The following CTC1 variants were observed in gnomAD, a reference collection of about 807,000 sequenced individuals.
CTC1 encodes CST complex subunit CTC1.
A neutral mutation model predicts 136.3 loss-of-function variants in CTC1; 91 were observed. The ratio of observed to expected loss-of-function variants is 0.67; its 90% confidence interval spans 0.56 to 0.79. CTC1 has a LOEUF of 0.79. Ranked by LOEUF, CTC1 falls within the 30% of genes least tolerant of loss-of-function variation. The pLI, the probability that CTC1 is intolerant of heterozygous loss-of-function variation, is 0.00. For missense variants in CTC1, 1,432 were observed against 1,498.1 expected (o/e 0.96, Z 0.73); for synonymous variants, 606 against 613.8 (o/e 0.99, Z 0.19).
At chr17:8,247,974 A>C in intron 1 of CTC1, 30 bp downstream of exon 1, 1 of 1,603,270 alleles carries the variant, frequency 6.2e-7, no homozygotes, top group Non-Finnish European at 8.5e-7. Context: ...ACAAGAAAAA[A>C]GGAACAAGAG....
At chr17:8,236,365 A>G (rs539326984) in intron 5 of CTC1, 23 bp from the exon 6 acceptor site, 4 of 1,592,314 alleles carry the variant, frequency 2.5e-6, no homozygotes, top group African/African-American at 1.3e-5. Flanking sequence ...GAGACAGGCA[A>G]TGTGACACAA....
At position 8,236,338 on chromosome 17, in the gene CTC1, G is replaced by A. The variant is rs763619961; in HGVS notation, c.797C>T (p.Pro266Leu). The A allele has an allele frequency of 6.2e-7, 1 of 1,605,378 alleles. No homozygotes were observed. The highest frequency in any genetic ancestry group is 1.1e-5 in the South Asian group (1 of 91,050). ...GGCTCTGTGCCACACCAGCTGGGCA[G>A]GGACCTGGCTTGTGCAGAGACAGGC... is the stretch of plus-strand genomic sequence containing the variant. ...VTHVSIIVQVPAQLVWHRALR... is the reference protein window; with the variant it reads ...VTHVSIIVQVLAQLVWHRALR... The change falls in exon 6 of 23, where the codon CCT (proline) becomes CTT (leucine). Residue 266 changes from proline to leucine, a missense_variant. Physicochemically the swap from Pro to Leu is moderately conservative, Grantham distance 98 (BLOSUM62 -3). Coordinates refer to ENST00000651323, the MANE Select transcript of CTC1 (RefSeq NM_025099.6).
Position 8,235,289 on chromosome 17 carries a change from G to T in CTC1, c.1207-4C>A. On this transcript the variant is annotated splice_polypyrimidine_tract_variant and splice_region_variant and intron_variant, in intron 7 of 22. Coordinates refer to ENST00000651323, the MANE Select transcript of CTC1 (RefSeq NM_025099.6). ...GGAGCAGGTGAACATCCTGGAGCTG[G>T]GGGAAAGCAGAGAAAATGAAAAAGC... The T allele has an allele frequency of 6.2e-7, 1 of 1,606,482 alleles. No individual in the cohort carries two copies. Among genetic ancestry groups the T allele is most frequent in the Non-Finnish European group, 8.5e-7 (1 of 1,173,684 alleles).
chr17:8,240,421 T>C (rs1988117919), intron 2 of CTC1, among the ~76,000 whole-genome samples: 1 of 150,962 alleles, frequency 6.6e-6, no homozygotes, highest in African/African-American at 2.5e-5. Flanking sequence ...CCCAAAGTGC[T>C]AGGATTACAG....
intron 10 of CTC1, 152 bp downstream of exon 10, chr17:8,234,303 A>T: frequency 1.3e-6 from 1 of 764,510 alleles, no homozygotes; most frequent in Non-Finnish European, 2.2e-6. Flanking sequence ...CTGCAGAGAG[A>T]ATGAATTGGA....
At position 8,242,991 on chromosome 17, in the gene CTC1, C is replaced by T. The variant is rs997277487; in HGVS notation, c.191G>A (p.Ser64Asn). Residue 64 changes from serine (S) to asparagine (N), a missense_variant, in exon 2 of 23, where the codon AGC becomes AAC. By Grantham distance (46) the Ser-to-Asn change is conservative. Coordinates refer to ENST00000651323, the MANE Select transcript of CTC1 (RefSeq NM_025099.6). ...GRNQGSTLPL[S>N]YSFVSVQDLK... The stretch of plus-strand genomic sequence containing the variant: ...AACCGCCACCTCTCCTTACCTATAG[C>T]TGAGGGGCAGTGTAGAACCTTGGTT... 2.5e-5 allele frequency: 40 copies of T among 1,611,494 alleles called. No homozygotes were observed. Among genetic ancestry groups the T allele is most frequent in the African/African-American group, 4.0e-5 (3 of 74,834 alleles).
rs544760936 is a variant in CTC1 at position 8,243,043 on chromosome 17, T to C, written c.139A>G (p.Lys47Glu). 58 of 1,614,022 alleles carry C rather than the reference T, an allele frequency of 3.6e-5. 1 individual carries two copies. The South Asian group carries it at 4.8e-4, about 13-fold the overall frequency. ...QLTPLVIDCV[K>E]TVWLSQGRNQ... ...CTTCCCTGGGACAACCAGACAGTCT[T>C]CACACAATCAATTACCAATGGAGTC... is the stretch of plus-strand genomic sequence containing the variant. Residue 47 changes from lysine (K) to glutamate (E), a missense_variant, in exon 2 of 23, where the codon AAG becomes GAG. Lys to Glu is a moderately conservative substitution (Grantham distance 56). Transcript: ENST00000651323.
chr17:8,228,459 C>G, intron 22 of CTC1, 44 bp downstream of exon 22: 1 of 1,613,742 alleles, frequency 6.2e-7, no homozygotes, highest in Non-Finnish European at 8.5e-7. Flanking sequence ...ATCTCTATCA[C>G]CATGATCCCC....
chr17:8,231,466 G>C lies in CTC1; in HGVS notation c.2479C>G (p.Pro827Ala), dbSNP rs777726718. 1 of 1,604,108 alleles carries C rather than the reference G, an allele frequency of 6.2e-7. No individual in the cohort carries two copies. The highest frequency in any genetic ancestry group is 8.5e-7 in the Non-Finnish European group (1 of 1,174,858). The change falls in exon 15 of 23, where the codon CCA becomes GCA. Residue 827 changes from proline (P) to alanine (A), a missense_variant. Pro to Ala is a conservative substitution (Grantham distance 27). Transcript: ENST00000651323. ...GAACCATCCTTTTCAAACAACATTG[G>C]TGTCTGCACGGAAATGGGAAGACGA... ...YRLIAPGPAT[P>A]MLFEKDGSSC...
chr17:8,238,620 T>C lies in CTC1; in HGVS notation c.207A>G (p.Ser69=). Residue 69 remains serine, a synonymous_variant, in exon 3 of 23, where the codon TCA becomes TCG. Transcript: ENST00000651323. ...STLPLSYSFV[S]VQDLKTHQRL... ...GCTGGTGAGTCTTGAGGTCCTGTAC[T>C]GAGACGAAGCTGTAGAGTGAAGGGA... 1 of 1,599,296 alleles carries C rather than the reference T, an allele frequency of 6.3e-7. No individual in the cohort carries two copies. The highest frequency in any genetic ancestry group is 1.3e-5 in the African/African-American group (1 of 74,640).
chr17:8,238,324 A>T, intron 3 of CTC1, 68 bp downstream of exon 3: 1 of 1,565,098 alleles, frequency 6.4e-7, no homozygotes, highest in South Asian at 1.2e-5. Context: ...TCAGAGACTT[A>T]ATTGCCTTGA....
rs189553549 is a variant in CTC1 at position 8,226,660 on chromosome 17, G to A, written c.*1520C>T. ...GCGGGGAGACCCCAATGGATTTCTAGTCCATCGCCTTAACCACTCGGCCAC... is the reference window on the plus strand; with the variant it reads ...GCGGGGAGACCCCAATGGATTTCTAATCCATCGCCTTAACCACTCGGCCAC... On this transcript the variant is annotated 3_prime_UTR_variant, in exon 23 of 23. Transcript: ENST00000651323. 10 of 152,328 alleles carry A rather than the reference G, an allele frequency of 6.6e-5. No homozygotes were observed. Among genetic ancestry groups the A allele is most frequent in the Admixed American group, 3.9e-4 (6 of 15,298 alleles). 9.4% of individuals were successfully genotyped at this position (152,328 alleles called of 1,614,324 possible).
intron 20 of CTC1, 71 bp downstream of exon 20, chr17:8,229,071 G>T: frequency 6.5e-7 from 1 of 1,533,882 alleles, no homozygotes. Flanking sequence ...TTATGCTAAT[G>T]TAGAAACTGC....
chr17:8,229,025 T>C (rs1986977311), intron 20 of CTC1, 117 bp downstream of exon 20: 1 of 1,469,048 alleles, frequency 6.8e-7, no homozygotes, highest in Non-Finnish European at 9.3e-7. Flanking sequence ...CATTCATTCG[T>C]TCAAAAAATA....
chr17:8,242,430 G>A (rs986649626), intron 2 of CTC1, among the ~76,000 whole-genome samples: 7 of 150,304 alleles, frequency 4.7e-5, no homozygotes, highest in African/African-American at 7.3e-5. Flanking sequence ...TCCCAGAGAC[G>A]TTTATCATAT....
rs1987226374 is a variant in CTC1, at chr17:8,231,528, AC to A, written c.2476-60del. On this transcript the variant is annotated intron_variant, in intron 14 of 22. Transcript: ENST00000651323. Reference sequence around the variant, plus strand: ...TGTGTGCTAGTCCAGTGGGAGGTTCACAAAACATTCTGACCCAATTTTGTTC... The same window carrying A: ...TGTGTGCTAGTCCAGTGGGAGGTTCAAAAACATTCTGACCCAATTTTGTTC... The A allele has an allele frequency of 7.3e-6, 11 of 1,497,138 alleles. No homozygotes were observed. In the South Asian group the frequency reaches 1.3e-4, roughly 17 times the overall value. The allele number at this position is 1,497,138 out of a possible 1,614,324, so 92.7% of individuals were successfully genotyped here. A position where few individuals can be genotyped will look rare whatever the true frequency, so the allele number is the denominator to read the frequency against.
rs1007429039 is a variant in CTC1 at position 8,226,913 on chromosome 17, C to G, written c.*1267G>C. The G allele has an allele frequency of 1.3e-5, 2 of 152,076 alleles. No homozygotes were observed. The highest frequency in any genetic ancestry group is 4.8e-5 in the African/African-American group (2 of 41,382). The allele number at this position is 152,076 out of a possible 1,614,324, so 9.4% of individuals were successfully genotyped here. ...GCAATATAATTCTGTTACCAGAAGG[C>G]AACTGGCTCCGGGTAGAAACTTCCG... On this transcript the variant is annotated 3_prime_UTR_variant, in exon 23 of 23. Coordinates refer to ENST00000651323, the MANE Select transcript of CTC1 (RefSeq NM_025099.6).
chr17:8,242,905 C>T, intron 2 of CTC1, 80 bp downstream of exon 2: 2 of 1,350,172 alleles, frequency 1.5e-6, no homozygotes, highest in Admixed American at 2.5e-5. Context: ...TGCCCTTTTT[C>T]TAATTATAGA....
At chr17:8,247,379 A>G (rs1988829824) in intron 1 of CTC1, among the ~76,000 whole-genome samples, 2 of 132,622 alleles carry the variant, frequency 1.5e-5, no homozygotes, top group African/African-American at 5.9e-5. Context: ...GCACAATCTC[A>G]GCTCACTGCA....
Sources: allele counts gnomAD v4.1 joint callset (sites outside exome capture counted in the v4.1 genomes callset), GRCh38; gene constraint gnomAD v4.1.1; transcripts MANE v1.5; gene names NCBI Gene and HGNC (gene_info 2026-07-23, HGNC 2026-07-21).